RCAN2: variants seen among roughly 807,000 people sequenced by gnomAD.
RCAN2 encodes calcipressin-2.
In RCAN2, 9 loss-of-function variants were observed where a neutral mutation model predicts 23.6. That is an observed-to-expected ratio of 0.38 (90% CI 0.23 to 0.67). RCAN2 has a LOEUF of 0.67. RCAN2 is among the 30% of genes least tolerant of loss of function. The pLI is 0.51. For synonymous variants in RCAN2, 109 were observed against 115.7 expected (o/e 0.94, Z 0.37); for missense variants, 273 against 302.3 (o/e 0.90, Z 0.72).
chr6:46,395,163 T>C (rs924295152), intron 2 of RCAN2, among the ~76,000 whole-genome samples: 2 of 152,226 alleles, frequency 1.3e-5, no homozygotes, highest in East Asian at 1.9e-4. Flanking sequence ...AAGATGAATA[T>C]CCAAGTCAGG....
rs888397365 is a variant in RCAN2, at chr6:46,351,871, T to G, written c.226-102975A>C. On this transcript the variant is annotated intron_variant, in intron 2 of 4. Coordinates refer to ENST00000371374, the MANE Select transcript of RCAN2 (RefSeq NM_001251974.2). ...CTCCCAGCCCTCTAGAATTCCCTTTTGTGTCCCCAGGAACTCAGTGTAGTT... is the reference window on the plus strand; with the variant it reads ...CTCCCAGCCCTCTAGAATTCCCTTTGGTGTCCCCAGGAACTCAGTGTAGTT... Among the ~76,000 whole-genome samples, 6 of 152,342 alleles carry G rather than the reference T, an allele frequency of 3.9e-5. No individual in the cohort carries two copies. In the South Asian group the frequency reaches 1.0e-3, roughly 26 times the overall value.
At chr6:46,242,529 A>T (rs1211813625) in intron 4 of RCAN2, among the ~76,000 whole-genome samples, 1 of 152,132 alleles carries the variant, frequency 6.6e-6, no homozygotes, top group East Asian at 1.9e-4. Context: ...TCTACCAATT[A>T]AACACTGTTC....
At chr6:46,246,958 TG>T (rs1766535494) in intron 3 of RCAN2, 39 bp from the exon 4 acceptor site, 1 of 1,445,484 alleles carries the variant, frequency 6.9e-7, no homozygotes, top group African/African-American at 1.4e-5. Flanking sequence ...TTATTCATCA[TG>T]GCTTCAGATG....
chr6:46,243,872 AT>A (rs1289739782), intron 4 of RCAN2, among the ~76,000 whole-genome samples: 1 of 151,994 alleles, frequency 6.6e-6, no homozygotes, highest in Non-Finnish European at 1.5e-5. Context: ...AAACAAATAA[AT>A]GTTTGCCAGA....
intron 2 of RCAN2, among the ~76,000 whole-genome samples, chr6:46,314,135 G>T (rs1053683719): frequency 6.6e-6 from 1 of 152,012 alleles, no homozygotes; most frequent in Non-Finnish European, 1.5e-5. Context: ...GCTGAGGTAG[G>T]CAGATCACTT....
intron 2 of RCAN2, among the ~76,000 whole-genome samples, chr6:46,351,502 G>C (rs1025543101): frequency 1.3e-5 from 2 of 152,144 alleles, no homozygotes; most frequent in Non-Finnish European, 2.9e-5. Context: ...CCATGTCCTT[G>C]AAAATCTCTC....
intron 2 of RCAN2, among the ~76,000 whole-genome samples, chr6:46,340,199 A>G (rs1413166569): frequency 6.6e-6 from 1 of 152,200 alleles, no homozygotes; most frequent in African/African-American, 2.4e-5. Flanking sequence ...CTACCAAGAC[A>G]GTCTTCGGTG....
chr6:46,430,251 G>A (rs1215419065), intron 2 of RCAN2, among the ~76,000 whole-genome samples: 2 of 152,156 alleles, frequency 1.3e-5, no homozygotes, highest in African/African-American at 2.4e-5. Flanking sequence ...CTGTCAAATA[G>A]GAGAGATATT....
intron 4 of RCAN2, among the ~76,000 whole-genome samples, chr6:46,232,211 G>A (rs1000287578): frequency 2.0e-5 from 3 of 152,252 alleles, no homozygotes; most frequent in African/African-American, 4.8e-5. Context: ...TAATCCATGG[G>A]GAAGTTGCAA....
At chr6:46,447,906 A>T (rs1433367522) in intron 2 of RCAN2, among the ~76,000 whole-genome samples, 1 of 151,776 alleles carries the variant, frequency 6.6e-6, no homozygotes, top group Non-Finnish European at 1.5e-5. Flanking sequence ...GATTTCAAAC[A>T]AAAAACATAA....
chr6:46,248,682 T>C, intron 3 of RCAN2, 41 bp downstream of exon 3: 4 of 1,474,046 alleles, frequency 2.7e-6, no homozygotes, highest in African/African-American at 2.9e-5. Flanking sequence ...TAAAAAATAA[T>C]GTAGGGCAAA....
chr6:46,312,336 C>T (rs1337725246), intron 2 of RCAN2, among the ~76,000 whole-genome samples: 1 of 152,116 alleles, frequency 6.6e-6, no homozygotes, highest in African/African-American at 2.4e-5. Context: ...TCAGGAGGTG[C>T]CTAGAATATT....
At chr6:46,443,574 C>A (rs1448751226) in intron 2 of RCAN2, among the ~76,000 whole-genome samples, 1 of 152,038 alleles carries the variant, frequency 6.6e-6, no homozygotes, top group East Asian at 1.9e-4. Flanking sequence ...AAAAATAAAT[C>A]TGCTTAAGAC....
chr6:46,356,082 C>A (rs1237400040), intron 2 of RCAN2, among the ~76,000 whole-genome samples: 1 of 151,956 alleles, frequency 6.6e-6, no homozygotes. Flanking sequence ...CTCCTAAGGA[C>A]AAGAAAAGAC....
intron 2 of RCAN2, among the ~76,000 whole-genome samples, chr6:46,388,893 C>A (rs1765847491): frequency 6.6e-6 from 1 of 151,988 alleles, no homozygotes; most frequent in Admixed American, 6.6e-5. Flanking sequence ...CAGCAAACCA[C>A]CATGGCACGC....
intron 4 of RCAN2, among the ~76,000 whole-genome samples, chr6:46,231,227 A>G (rs1468461521): frequency 2.6e-5 from 4 of 152,182 alleles, no homozygotes; most frequent in Non-Finnish European, 2.9e-5. Flanking sequence ...GGAGAATGCC[A>G]TGTGAAGACT....
chr6:46,243,697 C>A (rs776217415), intron 4 of RCAN2, among the ~76,000 whole-genome samples: 1 of 150,550 alleles, frequency 6.6e-6, no homozygotes, highest in African/African-American at 2.4e-5. Flanking sequence ...GTAGTCCCAG[C>A]TGCTCAGGAA....
chr6:46,257,497 C>T (rs1326627822), intron 2 of RCAN2, among the ~76,000 whole-genome samples: 2 of 152,054 alleles, frequency 1.3e-5, no homozygotes, highest in East Asian at 1.9e-4. Flanking sequence ...ACTTAACAAT[C>T]GTGGTGGAAG....
intron 2 of RCAN2, among the ~76,000 whole-genome samples, chr6:46,425,396 C>T (rs1328571726): frequency 6.6e-6 from 1 of 152,144 alleles, no homozygotes; most frequent in Non-Finnish European, 1.5e-5. Flanking sequence ...AAGGCAAAAA[C>T]ATCCTTGTAC....
Sources: allele counts gnomAD v4.1 joint callset (sites outside exome capture counted in the v4.1 genomes callset), GRCh38; gene constraint gnomAD v4.1.1; transcripts MANE v1.5; gene names NCBI Gene and HGNC (gene_info 2026-07-23, HGNC 2026-07-21).